Variants in RANBP2 observed in about 807,000 individuals in gnomAD.
The protein encoded by RANBP2 is E3 SUMO-protein ligase RanBP2.
Under a neutral mutation model 303.6 loss-of-function variants are expected in RANBP2, and 57 were observed. The ratio of observed to expected loss-of-function variants is 0.19; its 90% CI spans 0.15 to 0.23. The LOEUF (loss-of-function observed/expected upper bound fraction) is 0.23. RANBP2 is among the 10% of genes least tolerant of loss of function. RANBP2 has a pLI of 1.00. For missense variants in RANBP2, 3,138 were observed against 3,780.8 expected (o/e 0.83, Z 4.46); for synonymous variants, 1,167 against 1,301.5 (o/e 0.90, Z 2.23).
chr2:109,723,522 T>A, the RANBP2 span, among the ~76,000 whole-genome samples: 1 of 152,178 alleles, frequency 6.6e-6, no homozygotes, highest in Non-Finnish European at 1.5e-5. Context: ...TAATGATCAG[T>A]GATGTTGAGC....
the RANBP2 span, among the ~76,000 whole-genome samples, chr2:108,919,381 G>A: frequency 6.6e-5 from 10 of 152,060 alleles, no homozygotes; most frequent in Non-Finnish European, 1.0e-4. Flanking sequence ...ATTTAGAGGC[G>A]GAGTTTCGCT....
chr2:108,948,572 C>A, the RANBP2 span, among the ~76,000 whole-genome samples: 1 of 152,152 alleles, frequency 6.6e-6, no homozygotes, highest in Non-Finnish European at 1.5e-5. Context: ...TCACAGTCAT[C>A]GCAGAAGGCA....
chr2:109,524,501 A>G, the RANBP2 span, among the ~76,000 whole-genome samples: 9 of 150,708 alleles, frequency 6.0e-5, no homozygotes, highest in African/African-American at 2.2e-4. Context: ...TCACGCCTGT[A>G]ATCCCAGCGC....
the RANBP2 span, among the ~76,000 whole-genome samples, chr2:108,990,437 CA>C: frequency 0.019 from 1,332 of 70,602 alleles, 21 homozygotes; most frequent in African/African-American, 0.051. Context: ...GACTCCGTCT[CA>C]AAAAAAAAAA....
chr2:109,396,399 T>C, the RANBP2 span, among the ~76,000 whole-genome samples: 1 of 152,146 alleles, frequency 6.6e-6, no homozygotes, highest in South Asian at 2.1e-4. Flanking sequence ...AAGGCAGATA[T>C]TCGTAGTGGA....
the RANBP2 span, among the ~76,000 whole-genome samples, chr2:109,404,956 C>A: frequency 6.6e-6 from 1 of 152,024 alleles, no homozygotes; most frequent in Non-Finnish European, 1.5e-5. Context: ...GGAGCCCCGT[C>A]CTGGCCCCTC....
At chr2:109,115,919 G>A in the RANBP2 span, among the ~76,000 whole-genome samples, 2 of 152,170 alleles carry the variant, frequency 1.3e-5, no homozygotes, top group African/African-American at 4.8e-5. Context: ...TGAAATTCTG[G>A]GTTGAAAATT....
the RANBP2 span, among the ~76,000 whole-genome samples, chr2:109,656,473 G>T: frequency 6.6e-6 from 1 of 152,154 alleles, no homozygotes; most frequent in Non-Finnish European, 1.5e-5. Context: ...GAGTAGCTGG[G>T]ATCACAGGTA....
chr2:109,692,338 C>A, the RANBP2 span, among the ~76,000 whole-genome samples: 2 of 152,100 alleles, frequency 1.3e-5, no homozygotes, highest in Non-Finnish European at 2.9e-5. Context: ...GGTGGCACAT[C>A]TCCTTGGGGT....
the RANBP2 span, among the ~76,000 whole-genome samples, chr2:108,835,379 A>G: frequency 4.6e-5 from 7 of 152,204 alleles, no homozygotes; most frequent in African/African-American, 1.4e-4. Flanking sequence ...ATTCATTGCC[A>G]TGTGTTAGGG....
chr2:109,708,876 T>G, the RANBP2 span, among the ~76,000 whole-genome samples: 1 of 151,868 alleles, frequency 6.6e-6, no homozygotes, highest in East Asian at 1.9e-4. Flanking sequence ...CTTGGGAGGC[T>G]GAGGCAGGGA....
At chr2:109,557,222 A>G in the RANBP2 span, among the ~76,000 whole-genome samples, 8 of 152,194 alleles carry the variant, frequency 5.3e-5, no homozygotes, top group Non-Finnish European at 8.8e-5. Context: ...CATAACAAAC[A>G]TAAGTTTTTT....
chr2:109,135,729 A>G, the RANBP2 span, among the ~76,000 whole-genome samples: 1 of 152,122 alleles, frequency 6.6e-6, no homozygotes, highest in African/African-American at 2.4e-5. Context: ...CAGTCAGTCC[A>G]TGTTGTGGAA....
Position 108,767,715 on chromosome 2 carries a change from G to A in RANBP2, c.7176G>A (p.Leu2392=). The A allele has an allele frequency of 1.9e-6, 3 of 1,612,040 alleles. No homozygotes were observed. The highest frequency in any genetic ancestry group is 2.5e-6 in the Non-Finnish European group (3 of 1,179,874). The stretch of plus-strand genomic sequence containing the variant: ...ACAGAATAACTCCAGACATGACTTT[G>A]CAAAATATGAAAGGGACAGAAAGAG... ...ANHRITPDMT[L]QNMKGTERVW... The change falls in exon 20 of 29, where the codon TTG becomes TTA. Residue 2392 remains leucine, a synonymous_variant. Coordinates refer to ENST00000283195, the MANE Select transcript of RANBP2 (RefSeq NM_006267.5).
the RANBP2 span, among the ~76,000 whole-genome samples, chr2:109,151,548 T>C: frequency 2.4e-4 from 36 of 152,378 alleles, no homozygotes; most frequent in African/African-American, 8.2e-4. Flanking sequence ...TTTAACCCAC[T>C]GTATCCAAAA....
the RANBP2 span, among the ~76,000 whole-genome samples, chr2:108,927,791 A>G: frequency 1.2e-4 from 18 of 151,788 alleles, no homozygotes; most frequent in Admixed American, 7.9e-4. Context: ...CACAACCTCT[A>G]TCCTCCCTCC....
the RANBP2 span, among the ~76,000 whole-genome samples, chr2:109,500,267 C>A: frequency 1.3e-5 from 2 of 152,152 alleles, no homozygotes; most frequent in Non-Finnish European, 2.9e-5. Flanking sequence ...CTCAGAGGAG[C>A]CAGGCTGGAG....
chr2:108,791,860 T>C, the RANBP2 span: 15 of 1,485,220 alleles, frequency 1.0e-5, no homozygotes, highest in Non-Finnish European at 1.4e-5. Context: ...GTAGAGTAAA[T>C]GAAGCTTCCC....
At chr2:109,490,526 G>A in the RANBP2 span, 2 of 1,157,418 alleles carry the variant, frequency 1.7e-6, no homozygotes, top group Non-Finnish European at 2.3e-6. Flanking sequence ...CACATAGGAA[G>A]ATGCATTCCC....
Sources: gnomAD v4.1 joint callset for allele counts (sites outside exome capture counted in the v4.1 genomes callset) on GRCh38, gnomAD v4.1.1 for gene constraint, MANE v1.5 for transcripts, NCBI Gene and HGNC (gene_info 2026-07-23, HGNC 2026-07-21) for gene names.